KCNH3: variants seen among roughly 807,000 people sequenced by gnomAD.
KCNH3 encodes the protein voltage-gated inwardly rectifying potassium channel KCNH3.
A neutral mutation model predicts 95.6 loss-of-function variants in KCNH3; 36 were observed. The observed-to-expected ratio is 0.38, with a 90% confidence interval of 0.29 to 0.50. The LOEUF (loss-of-function observed/expected upper bound fraction) is 0.50, where lower values mean the gene tolerates loss of function less well. Ranked by LOEUF, KCNH3 falls within the 20% of genes least tolerant of loss-of-function variation. The probability of loss-of-function intolerance (pLI) is 0.95; values close to 1 mark genes in which losing one functional copy is unlikely to be tolerated. For synonymous variants in KCNH3, 620 were observed against 646.3 expected, an observed-to-expected ratio of 0.96 and a Z score of 0.62; for missense variants, 1,030 against 1,484.1, an observed-to-expected ratio of 0.69 and a Z score of 5.03.
At chr12:49,551,315 C>T (rs1221047476) in intron 10 of KCNH3, among the ~76,000 whole-genome samples, 1 of 152,138 alleles carries the variant, frequency 6.6e-6, no homozygotes, top group Non-Finnish European at 1.5e-5. Context: ...GTAGCTCAAG[C>T]CTATAATTCC....
Position 49,555,810 on chromosome 12 carries a change from G to A in KCNH3, c.2327G>A (p.Arg776Gln), listed in dbSNP as rs776972210. The change falls in exon 12 of 15, where the codon CGG becomes CAG. Residue 776 changes from arginine (R) to glutamine (Q), a missense_variant. Physicochemically the swap from Arg to Gln is conservative, Grantham distance 43. Transcript: ENST00000257981. ...KLLSPRRTAP[R>Q]PRLGGRGRPG... ...CTATCCCCACGTCGAACAGCACCCCGGCCTCGTCTAGGTGGCAGAGGGAGG... is the reference window on the plus strand; with the variant it reads ...CTATCCCCACGTCGAACAGCACCCCAGCCTCGTCTAGGTGGCAGAGGGAGG... 36 of 1,613,488 alleles carry A rather than the reference G, an allele frequency of 2.2e-5. 1 individual carries two copies. In the East Asian group the frequency reaches 5.6e-4, roughly 25 times the overall value.
intron 7 of KCNH3, 134 bp from the exon 8 acceptor site, chr12:49,548,761 T>C (rs1195393420): frequency 1.2e-6 from 1 of 867,432 alleles, no homozygotes; most frequent in African/African-American, 1.7e-5. Context: ...AGGGGTGTGC[T>C]AGGCTGGCAG....
intron 13 of KCNH3, chr12:49,556,710 C>T (rs919578649): frequency 1.0e-5 from 7 of 692,902 alleles, no homozygotes; most frequent in African/African-American, 1.8e-5. Flanking sequence ...TGTCAGCTTT[C>T]TAGCAGTGTG....
At chr12:49,542,983 AG>A in intron 4 of KCNH3, 144 bp downstream of exon 4, 2 of 1,143,614 alleles carry the variant, frequency 1.7e-6, no homozygotes, top group Non-Finnish European at 2.4e-6. Context: ...GAAGGAGGGA[AG>A]ATCACATGCC....
chr12:49,554,002 A>C (rs1248889576), intron 10 of KCNH3, among the ~76,000 whole-genome samples: 4 of 152,226 alleles, frequency 2.6e-5, no homozygotes, highest in Non-Finnish European at 5.9e-5. Context: ...AGGGGATTCT[A>C]ATCAACATAG....
In KCNH3 at chr12:49,543,197, C is replaced by T. The variant is rs573225762; in HGVS notation, c.580-78C>T. On this transcript the variant is annotated intron_variant, in intron 4 of 14. Coordinates refer to ENST00000257981, the MANE Select transcript of KCNH3 (RefSeq NM_012284.3). Reference sequence around the variant, plus strand: ...TGCAGGGATAGAAAGGAGGTGGATGCGGGTCCCAGACTCTATCCAAACTCA... The same window carrying T: ...TGCAGGGATAGAAAGGAGGTGGATGTGGGTCCCAGACTCTATCCAAACTCA... 6.1e-4 allele frequency: 897 copies of T among 1,471,546 alleles called. 4 individuals carry two copies. Among genetic ancestry groups the T allele is most frequent in the Non-Finnish European group, 3.4e-4 (363 of 1,083,334 alleles). The allele number at this position is 1,471,546 out of a possible 1,614,324, so 91.2% of individuals were successfully genotyped here.
rs774538655 is a variant in KCNH3, at chr12:49,548,935, C to T, written c.1230C>T (p.Tyr410=). 2.6e-5 allele frequency: 42 copies of T among 1,599,028 alleles called. No homozygotes were observed. The highest frequency in any genetic ancestry group is 3.3e-4 in the Middle Eastern group (2 of 6,058). Residue 410 remains tyrosine, a synonymous_variant, in exon 8 of 15, where the codon TAC becomes TAT. Coordinates refer to ENST00000257981, the MANE Select transcript of KCNH3 (RefSeq NM_012284.3). The part of the protein sequence containing the change: ...QELARRLETP[Y]YLVGRRPAGG... ...TGGCCCGCCGACTGGAGACTCCCTA[C>T]TACCTGGTGGGCCGGAGGCCAGCTG...
chr12:49,555,206 T>G (rs567582028), intron 11 of KCNH3, among the ~76,000 whole-genome samples: 1 of 149,742 alleles, frequency 6.7e-6, no homozygotes, highest in South Asian at 2.1e-4. Context: ...TTTGGGAGGC[T>G]GAGGCGGGTG....
intron 6 of KCNH3, 30 bp from the exon 7 acceptor site, chr12:49,544,145 T>TACCCAACC: frequency 1.2e-6 from 1 of 818,360 alleles, no homozygotes; most frequent in Non-Finnish European, 2.0e-6. Flanking sequence ...CTGACCTCCC[T>TACCCAACC]CCCTCCCTCC....
Position 49,541,682 on chromosome 12 carries a change from G to A in KCNH3, c.363G>A (p.Gly121=). ...TGATACCCATAAAGAATGAGAAAGGGGAGGTGGCTCTCTTCCTAGTCTCTC... is the reference window on the plus strand; with the variant it reads ...TGATACCCATAAAGAATGAGAAAGGAGAGGTGGCTCTCTTCCTAGTCTCTC... ...LDVIPIKNEK[G]EVALFLVSHK... is the part of the protein sequence containing the mutation. Residue 121 remains glycine (G), a synonymous_variant, in exon 3 of 15, where the codon GGG becomes GGA. Transcript: ENST00000257981. The A allele has an allele frequency of 6.2e-7, 1 of 1,614,220 alleles. No individual in the cohort carries two copies. Among genetic ancestry groups the A allele is most frequent in the Non-Finnish European group, 8.5e-7 (1 of 1,180,036 alleles).
intron 11 of KCNH3, among the ~76,000 whole-genome samples, chr12:49,555,324 C>T (rs556725329): frequency 2.8e-3 from 418 of 148,548 alleles, no homozygotes; most frequent in Non-Finnish European, 5.1e-3. Context: ...TGGTGGCGGG[C>T]GCCTGTAGTC....
At chr12:49,550,456 G>A (rs1592506163) in intron 10 of KCNH3, 127 bp downstream of exon 10, 3 of 1,232,712 alleles carry the variant, frequency 2.4e-6, no homozygotes, top group Non-Finnish European at 2.2e-6. Context: ...GTGGAGTCAG[G>A]AGTAGTTATG....
At chr12:49,541,545 C>T in intron 2 of KCNH3, 85 bp from the exon 3 acceptor site, 1 of 1,509,736 alleles carries the variant, frequency 6.6e-7, no homozygotes, top group Non-Finnish European at 9.0e-7. Context: ...CTGTGTCTTG[C>T]CCGGGATGTC....
At chr12:49,541,348 C>T (rs928225005) in intron 2 of KCNH3, among the ~76,000 whole-genome samples, 1 of 152,246 alleles carries the variant, frequency 6.6e-6, no homozygotes, top group African/African-American at 2.4e-5. Flanking sequence ...AGCCTGCATT[C>T]AGTTCCAACC....
chr12:49,554,611 G>T, intron 11 of KCNH3, 57 bp downstream of exon 11: 1 of 1,459,498 alleles, frequency 6.9e-7, no homozygotes, highest in Non-Finnish European at 9.5e-7. Flanking sequence ...GCCTGGTGAA[G>T]TGGGCAGAGG....
intron 7 of KCNH3, among the ~76,000 whole-genome samples, chr12:49,548,095 CGTGTGTGTGTGTGTGTGTGTGTGT>C (rs369626063): frequency 6.8e-6 from 1 of 146,616 alleles, no homozygotes; most frequent in Non-Finnish European, 1.5e-5. Context: ...CCTGTGACTA[CGTGTGTGTGTGTGTGTGTGTGTGT>C]GTGTGTGTGT....
At position 49,557,723 on chromosome 12, in the gene KCNH3, C is replaced by T; in HGVS notation, c.3022C>T (p.Leu1008Phe). 6.2e-7 allele frequency: 1 copy of T among 1,613,818 alleles called. No individual in the cohort carries two copies. The highest frequency in any genetic ancestry group is 8.5e-7 in the Non-Finnish European group (1 of 1,179,984). ...SDSEPPASGD[L>F]CSEPSTPASP... ...CTCAGAGCCCCCTGCCTCAGGAGAC[C>T]TCTGCTCTGAGCCCAGCACCCCTGC... The change falls in exon 15 of 15, where the codon CTC (leucine) becomes TTC (phenylalanine). Residue 1008 changes from leucine to phenylalanine, a missense_variant. This residue lies in a region of KCNH3 where 464 missense variants were observed against 493.2 expected (regional missense o/e 0.94). Transcript: ENST00000257981.
intron 10 of KCNH3, among the ~76,000 whole-genome samples, 191 bp from the exon 11 acceptor site, chr12:49,554,146 G>A (rs1192179163): frequency 6.6e-6 from 1 of 152,220 alleles, no homozygotes; most frequent in Non-Finnish European, 1.5e-5. Context: ...GCCCATGTGG[G>A]AGCCAGTGAG....
rs1937794805 is a variant in KCNH3, at chr12:49,539,505, C to T, written c.76+13C>T. On this transcript the variant is annotated intron_variant, in intron 1 of 14. Transcript: ENST00000257981. This position sits in a 1 kb window ranked among gnomAD's most constrained non-coding sequence, Gnocchi z 6.7. ...TTCGACGGCACGCGTGAGTCCGACCCTCGCCCACTTGCACCCGGGCCGCCG... is the reference window on the plus strand; with the variant it reads ...TTCGACGGCACGCGTGAGTCCGACCTTCGCCCACTTGCACCCGGGCCGCCG... 2 of 1,587,590 alleles carry T rather than the reference C, an allele frequency of 1.3e-6. No individual in the cohort carries two copies. The highest frequency in any genetic ancestry group is 2.8e-5 in the African/African-American group (2 of 72,706).
Sources: allele counts gnomAD v4.1 joint callset (sites outside exome capture counted in the v4.1 genomes callset), GRCh38; gene constraint gnomAD v4.1.1; regional missense constraint gnomAD v4.1.1; non-coding constraint Gnocchi (gnomAD v3.1); transcripts MANE v1.5; gene names NCBI Gene and HGNC (gene_info 2026-07-23, HGNC 2026-07-21).